The following MYO1H variants were observed in gnomAD, a reference collection of about 807,000 sequenced individuals.
MYO1H encodes unconventional myosin-Ih.
Under a neutral mutation model 149.3 loss-of-function variants are expected in MYO1H, and 118 were observed. That is an observed-to-expected ratio of 0.79 (90% CI 0.68 to 0.92). MYO1H has a LOEUF of 0.92. Among genes scored for constraint, MYO1H ranks in the 40% least tolerant of loss-of-function variants. MYO1H has a pLI of 0.00. For synonymous variants in MYO1H, 447 were observed against 465.2 expected (o/e 0.96, Z 0.50); for missense variants, 1,212 against 1,280.7 (o/e 0.95, Z 0.82).
At chr12:109,403,593 A>G (rs1333298887) in intron 6 of MYO1H, among the ~76,000 whole-genome samples, 2 of 152,194 alleles carry the variant, frequency 1.3e-5, no homozygotes, top group Admixed American at 6.5e-5. Context: ...TTTGTTGGCA[A>G]TCTCTAAGTG....
exon 32 of MYO1H, chr12:109,447,459 A>G: frequency 1.8e-6 from 1 of 564,512 alleles, no homozygotes; most frequent in Non-Finnish European, 3.2e-6. Context: ...ATCTATGTTC[A>G]GTGCGCAGTC....
At chr12:109,376,446 A>T (rs529795541) in intron 1 of MYO1H, among the ~76,000 whole-genome samples, 1 of 152,274 alleles carries the variant, frequency 6.6e-6, no homozygotes, top group Non-Finnish European at 1.5e-5. Context: ...GTTGCCACAT[A>T]TAGGTCTTTA....
At chr12:109,324,552 G>A in the MYO1H span, among the ~76,000 whole-genome samples, 1 of 152,114 alleles carries the variant, frequency 6.6e-6, no homozygotes, top group Non-Finnish European at 1.5e-5. Context: ...GTGTCTCTTA[G>A]GTATTAAAAT....
At chr12:109,355,055 G>A (rs1024141040) in intron 1 of MYO1H, among the ~76,000 whole-genome samples, 1 of 152,184 alleles carries the variant, frequency 6.6e-6, no homozygotes, top group Non-Finnish European at 1.5e-5. Context: ...GGGAAAAGAA[G>A]GAAAAGCTGG....
intron 1 of MYO1H, among the ~76,000 whole-genome samples, chr12:109,368,910 A>G (rs1035437278): frequency 5.3e-5 from 8 of 151,758 alleles, no homozygotes; most frequent in South Asian, 4.2e-4. Flanking sequence ...ACATGCCATA[A>G]TTGGTTTTCT....
chr12:109,329,698 A>C, the MYO1H span, among the ~76,000 whole-genome samples: 2 of 152,190 alleles, frequency 1.3e-5, no homozygotes, highest in Non-Finnish European at 2.9e-5. Flanking sequence ...TTATTCAACT[A>C]ATAATAATTA....
chr12:109,396,516 C>T, exon 4 of MYO1H: 1 of 1,613,966 alleles, frequency 6.2e-7, no homozygotes. Context: ...TTGCAGTGAC[C>T]TGCCCAATGA....
intron 24 of MYO1H, chr12:109,440,431 T>TACA (rs1872069251): frequency 9.9e-6 from 3 of 302,604 alleles, no homozygotes; most frequent in African/African-American, 6.6e-5. Flanking sequence ...GTCTGGAACT[T>TACA]AGAGGCGGGG....
exon 28 of MYO1H, chr12:109,443,603 GGAA>G (rs769037507): frequency 1.4e-4 from 227 of 1,613,648 alleles, no homozygotes; most frequent in Non-Finnish European, 1.8e-4. Flanking sequence ...CTTACGTGGT[GGAA>G]CTTGCCAAAA....
At position 109,438,669 on chromosome 12, in the gene MYO1H, C is replaced by T. The variant is rs905998427; in HGVS notation, c.2294+49C>T. 3 of 1,387,262 alleles carry T rather than the reference C, an allele frequency of 2.2e-6. No individual in the cohort carries two copies. The African/African-American group carries it at 4.3e-5, about 20-fold the overall frequency. The allele number at this position is 1,387,262 out of a possible 1,614,324, so 85.9% of individuals were successfully genotyped here. On this transcript the variant is annotated intron_variant, in intron 23 of 31. Coordinates refer to ENST00000310903, the Ensembl canonical transcript of MYO1H. ...AGGACAGGTCACTAAATGCTGGTAC[C>T]CTGCAGGGATGGTCATGGAGGTAGA...
intron 7 of MYO1H, among the ~76,000 whole-genome samples, chr12:109,404,343 G>A (rs770433865): frequency 5.9e-5 from 9 of 152,128 alleles, no homozygotes; most frequent in Non-Finnish European, 8.8e-5. Flanking sequence ...TTAACCAGGC[G>A]CGGTGGCAGG....
chr12:109,427,656 T>C, intron 19 of MYO1H, 70 bp downstream of exon 19: 1 of 1,140,644 alleles, frequency 8.8e-7, no homozygotes, highest in Admixed American at 1.7e-5. Flanking sequence ...TGGGGTTTAG[T>C]GGTAAATAAA....
intron 1 of MYO1H, among the ~76,000 whole-genome samples, chr12:109,370,142 G>C (rs2137014290): frequency 6.6e-6 from 1 of 152,182 alleles, no homozygotes; most frequent in South Asian, 2.1e-4. Flanking sequence ...ATTTGGGTGG[G>C]GACACAGCCA....
rs1872378339 is a variant in MYO1H at position 109,444,256 on chromosome 12, T to A, written c.2868T>A (p.His956Gln). 6.2e-7 allele frequency: 1 copy of A among 1,613,964 alleles called. No individual in the cohort carries two copies. Among genetic ancestry groups the A allele is most frequent in the East Asian group, 2.2e-5 (1 of 44,886 alleles). The change falls in exon 29 of 32, where the codon CAT becomes CAA. Residue 956 changes from histidine to glutamine, a missense_variant. Physicochemically the swap from His to Gln is conservative, Grantham distance 24. Coordinates refer to ENST00000310903, the Ensembl canonical transcript of MYO1H. ...TGAGTGATGGAATCTTAGTCATTCA[T>A]GTTTCACCAGAGGACAGCAAGCAAA... is the stretch of plus-strand genomic sequence containing the variant.
At chr12:109,346,060 C>T (rs1311188652), upstream of MYO1H, among the ~76,000 whole-genome samples, 1 of 152,152 alleles carries the variant, frequency 6.6e-6, no homozygotes, top group Non-Finnish European at 1.5e-5. Context: ...AATAGTCCCT[C>T]CATATTTATG....
At chr12:109,339,930 T>G in the MYO1H span, among the ~76,000 whole-genome samples, 1 of 152,356 alleles carries the variant, frequency 6.6e-6, no homozygotes, top group East Asian at 1.9e-4. Flanking sequence ...ATAAATGTCA[T>G]GTAAACCTCG....
At chr12:109,369,295 C>T (rs1234896815) in intron 1 of MYO1H, among the ~76,000 whole-genome samples, 7 of 152,050 alleles carry the variant, frequency 4.6e-5, no homozygotes, top group Admixed American at 4.6e-4. Context: ...TGTATATGTA[C>T]CAAATTTTCT....
chr12:109,393,416 G>T, exon 3 of MYO1H: 1 of 1,586,168 alleles, frequency 6.3e-7, no homozygotes. Context: ...CTTTATCAAG[G>T]GGTCAATTTC....
chr12:109,408,167 CTT>C (rs753418499), intron 10 of MYO1H, among the ~76,000 whole-genome samples: 1 of 152,046 alleles, frequency 6.6e-6, no homozygotes, highest in Non-Finnish European at 1.5e-5. Context: ...TACACAGAAA[CTT>C]TTTATTTTTT....
Sources: gnomAD v4.1 joint callset for allele counts (sites outside exome capture counted in the v4.1 genomes callset) on GRCh38, gnomAD v4.1.1 for gene constraint, MANE v1.5 for transcripts, NCBI Gene and HGNC (gene_info 2026-07-23, HGNC 2026-07-21) for gene names.